ASCC3: variants seen among roughly 807,000 people sequenced by gnomAD.
The protein encoded by ASCC3 is activating signal cointegrator 1 complex subunit 3.
Under a neutral mutation model 256.3 loss-of-function variants are expected in ASCC3, and 158 were observed. The observed-to-expected ratio is 0.62, with a 90% CI of 0.54 to 0.70. The LOEUF is 0.70. Ranked by LOEUF, ASCC3 falls within the 30% of genes least tolerant of loss-of-function variation. ASCC3 has a pLI of 0.00. For synonymous variants in ASCC3, 948 were observed against 883.4 expected (o/e 1.07, Z -1.30); for missense variants, 2,259 against 2,626.0 (o/e 0.86, Z 3.05).
intron 36 of ASCC3, among the ~76,000 whole-genome samples, chr6:100,566,082 G>A (rs1281800421): frequency 1.3e-5 from 2 of 152,048 alleles, no homozygotes; most frequent in African/African-American, 4.8e-5. Context: ...AAAGCCAAAC[G>A]TAAATAATAA....
At chr6:100,717,832 C>T (rs964592187) in intron 12 of ASCC3, among the ~76,000 whole-genome samples, 1 of 151,832 alleles carries the variant, frequency 6.6e-6, no homozygotes, top group Non-Finnish European at 1.5e-5. Context: ...TGGAAAACAC[C>T]AATGCAAACT....
chr6:100,822,897 CATG>C (rs1771122448), intron 4 of ASCC3, among the ~76,000 whole-genome samples: 1 of 152,130 alleles, frequency 6.6e-6, no homozygotes, highest in South Asian at 2.1e-4. Flanking sequence ...AATGTTCATA[CATG>C]ATAAGTTCTA....
At chr6:100,793,532 G>A (rs189110721) in intron 8 of ASCC3, among the ~76,000 whole-genome samples, 6 of 151,970 alleles carry the variant, frequency 3.9e-5, no homozygotes, top group African/African-American at 1.2e-4. Flanking sequence ...TATGAAGTTT[G>A]AAACTGAAAA....
chr6:100,825,545 TC>T (rs1192495324), intron 4 of ASCC3, among the ~76,000 whole-genome samples: 1 of 152,214 alleles, frequency 6.6e-6, no homozygotes. Context: ...AGTTTTTCCA[TC>T]ATTTCAACCT....
In ASCC3 at chr6:100,514,185, A is replaced by G. The variant is rs140771461; in HGVS notation, c.6076-1267T>C. On this transcript the variant is annotated intron_variant, in intron 39 of 41. Coordinates refer to ENST00000369162, the MANE Select transcript of ASCC3 (RefSeq NM_006828.4). ...CTTATCAATCTGAAATCATGTCTTG[A>G]ACTGGATTTTGAAGTAGTCAAGCCA... Among the ~76,000 whole-genome samples the G allele has an allele frequency of 1.6e-3, 245 of 152,176 alleles. 10 individuals carry two copies. In the East Asian group the frequency reaches 0.045, roughly 28 times the overall value.
At chr6:100,595,652 A>G (rs1481874207) in intron 34 of ASCC3, among the ~76,000 whole-genome samples, 3 of 152,172 alleles carry the variant, frequency 2.0e-5, no homozygotes, top group Non-Finnish European at 4.4e-5. Context: ...GGACCTGACA[A>G]TGAGCACAGT....
chr6:100,610,175 G>A (rs964867875), intron 30 of ASCC3, among the ~76,000 whole-genome samples: 26 of 152,182 alleles, frequency 1.7e-4, no homozygotes, highest in African/African-American at 6.3e-4. Context: ...TTATATGCCT[G>A]AGATAGAAGT....
intron 34 of ASCC3, among the ~76,000 whole-genome samples, chr6:100,591,020 A>G (rs1178244279): frequency 6.6e-6 from 1 of 152,128 alleles, no homozygotes; most frequent in Non-Finnish European, 1.5e-5. Flanking sequence ...TATTTGGGAA[A>G]ATTACTTCCA....
rs1254790361 is a variant in ASCC3, at chr6:100,644,011, A to T, written c.3732+20T>A. ...TTTTTACAATAGCAAATAAGGATAT[A>T]TTCACATATATACACTTACTTGTTT... On this transcript the variant is annotated intron_variant, in intron 23 of 41. Coordinates refer to ENST00000369162, the MANE Select transcript of ASCC3 (RefSeq NM_006828.4). 5 of 1,529,510 alleles carry T rather than the reference A, an allele frequency of 3.3e-6. No homozygotes were observed. Among genetic ancestry groups the T allele is most frequent in the Non-Finnish European group, 4.5e-6 (5 of 1,105,352 alleles). The allele number at this position is 1,529,510 out of a possible 1,614,324, so 94.7% of individuals were successfully genotyped here.
intron 13 of ASCC3, among the ~76,000 whole-genome samples, chr6:100,699,209 A>G (rs1172513764): frequency 6.6e-6 from 1 of 152,158 alleles, no homozygotes; most frequent in African/African-American, 2.4e-5. Flanking sequence ...AACTCCCACA[A>G]TTCTGATGTG....
chr6:100,527,368 C>G (rs1053120926), intron 37 of ASCC3, among the ~76,000 whole-genome samples: 1 of 152,180 alleles, frequency 6.6e-6, no homozygotes, highest in Non-Finnish European at 1.5e-5. Flanking sequence ...TACAGTAATA[C>G]ACAAGACTTT....
chr6:100,795,540 T>C lies in ASCC3; in HGVS notation c.1395+3173A>G, dbSNP rs200661759. Among the ~76,000 whole-genome samples the C allele has an allele frequency of 1.1e-4, 17 of 152,226 alleles. No individual in the cohort carries two copies. The East Asian group carries it at 2.7e-3, about 24-fold the overall frequency. On this transcript the variant is annotated intron_variant, in intron 8 of 41. Transcript: ENST00000369162. ...AATTGTCACCCTTGCTTGCTTTGACTTAGATTTCTAAGAGTTCCAACTGAG... is the reference window on the plus strand; with the variant it reads ...AATTGTCACCCTTGCTTGCTTTGACCTAGATTTCTAAGAGTTCCAACTGAG...
At chr6:100,545,278 A>G (rs1775661933) in intron 36 of ASCC3, among the ~76,000 whole-genome samples, 1 of 151,890 alleles carries the variant, frequency 6.6e-6, no homozygotes, top group South Asian at 2.1e-4. Context: ...CCCAGGTTCA[A>G]GCGCTTCTCT....
chr6:100,662,508 C>T lies in ASCC3; in HGVS notation c.2315G>A (p.Arg772Gln), dbSNP rs199548862. 1.2e-5 allele frequency: 19 copies of T among 1,613,004 alleles called. No individual in the cohort carries two copies. The South Asian group carries it at 1.4e-4, about 12-fold the overall frequency. The change falls in exon 15 of 42, where the codon CGA becomes CAA. Residue 772 changes from arginine (R) to glutamine (Q), a missense_variant. Around this residue, in one of 2 missense-constraint regions of ASCC3, gnomAD observed 1,839 missense variants for 2,206.7 expected, o/e 0.83. Transcript: ENST00000369162. Reference sequence around the variant, plus strand: ...ACTAAAACCATCTGGGAATAATTCTCGTACTTGCTTATTTCTCGACCTTTG... The same window carrying T: ...ACTAAAACCATCTGGGAATAATTCTTGTACTTGCTTATTTCTCGACCTTTG... Reference protein sequence around the residue: ...QVQRSRNKQVRELFPDGFSIH... With the variant: ...QVQRSRNKQVQELFPDGFSIH...
chr6:100,843,339 A>G (rs1772238563), intron 4 of ASCC3, among the ~76,000 whole-genome samples: 1 of 152,192 alleles, frequency 6.6e-6, no homozygotes, highest in Non-Finnish European at 1.5e-5. Flanking sequence ...ATGAACTTGC[A>G]TGGGTCAAGT....
At chr6:100,534,386 A>G (rs1355547591) in intron 37 of ASCC3, among the ~76,000 whole-genome samples, 1 of 152,256 alleles carries the variant, frequency 6.6e-6, no homozygotes, top group Non-Finnish European at 1.5e-5. Flanking sequence ...CAACTCACTT[A>G]AATTTTTGAT....
rs182744678 is a variant in ASCC3 at position 100,595,948 on chromosome 6, T to C, written c.5303+5862A>G. Among the ~76,000 whole-genome samples, 5 of 152,332 alleles carry C rather than the reference T, an allele frequency of 3.3e-5. No individual in the cohort carries two copies. In the East Asian group the frequency reaches 9.6e-4, roughly 29 times the overall value. On this transcript the variant is annotated intron_variant, in intron 34 of 41. Coordinates refer to ENST00000369162, the MANE Select transcript of ASCC3 (RefSeq NM_006828.4). ...TTGTTCTTTATCTAGTTTTTAAAGA[T>C]AAATGCTTATTTTATTTTTAAGCAT...
At chr6:100,619,005 A>G (rs1346265280) in intron 30 of ASCC3, among the ~76,000 whole-genome samples, 2 of 152,196 alleles carry the variant, frequency 1.3e-5, no homozygotes. Flanking sequence ...GGTTTTATAG[A>G]TTAAAGATTC....
Position 100,662,551 on chromosome 6 carries a change from A to G in ASCC3, c.2287-15T>C, listed in dbSNP as rs751946412. On this transcript the variant is annotated splice_polypyrimidine_tract_variant and intron_variant, in intron 14 of 41. Transcript: ENST00000369162. The stretch of plus-strand genomic sequence containing the variant: ...GACCTTTGTACCTAGATACCAAGAA[A>G]GCGTAAGAGTATTATTTAGCATTTA... 1.2e-6 allele frequency: 2 copies of G among 1,610,950 alleles called. No individual in the cohort carries two copies. The highest frequency in any genetic ancestry group is 2.7e-5 in the African/African-American group (2 of 74,806).
Sources: gnomAD v4.1 joint callset for allele counts (sites outside exome capture counted in the v4.1 genomes callset) on GRCh38, gnomAD v4.1.1 for gene constraint, gnomAD v4.1.1 regional missense constraint, MANE v1.5 for transcripts, NCBI Gene and HGNC (gene_info 2026-07-23, HGNC 2026-07-21) for gene names.